The following UBE2E2 variants were observed in gnomAD, a reference collection of about 807,000 sequenced individuals.
The protein encoded by UBE2E2 is ubiquitin conjugating enzyme E2 E2.
Under a neutral mutation model 24.7 loss-of-function variants are expected in UBE2E2, and 6 were observed. The observed-to-expected ratio is 0.24, with a 90% CI of 0.13 to 0.48. The LOEUF (loss-of-function observed/expected upper bound fraction) is 0.48, where lower values mean the gene tolerates loss of function less well. Among genes scored for constraint, UBE2E2 ranks in the 20% least tolerant of loss-of-function variants. The probability of loss-of-function intolerance (pLI) is 0.99; values close to 1 mark genes in which losing one functional copy is unlikely to be tolerated. For synonymous variants in UBE2E2, 104 were observed against 83.6 expected (o/e 1.24, Z -1.33); for missense variants, 169 against 245.0 (o/e 0.69, Z 2.07).
intron 5 of UBE2E2, among the ~76,000 whole-genome samples, chr3:23,561,705 C>T (rs933532813): frequency 4.6e-5 from 7 of 152,062 alleles, no homozygotes; most frequent in African/African-American, 1.7e-4. Flanking sequence ...TACCCATGAG[C>T]ATGGAATGTT....
At chr3:23,532,386 C>T (rs994357292) in intron 4 of UBE2E2, among the ~76,000 whole-genome samples, 168 bp from the exon 5 acceptor site, 6 of 152,074 alleles carry the variant, frequency 3.9e-5, no homozygotes, top group Non-Finnish European at 5.9e-5. Flanking sequence ...AAATGATGAT[C>T]TCTGTTGATT....
chr3:23,516,651 A>G (rs1385724796), intron 4 of UBE2E2, among the ~76,000 whole-genome samples: 1 of 152,148 alleles, frequency 6.6e-6, no homozygotes, highest in East Asian at 1.9e-4. Flanking sequence ...GGATGAAAAA[A>G]TTTATTCTTG....
intron 3 of UBE2E2, among the ~76,000 whole-genome samples, chr3:23,311,090 G>T (rs976281808): frequency 6.6e-6 from 1 of 152,160 alleles, no homozygotes; most frequent in African/African-American, 2.4e-5. Context: ...TCCCACCTAT[G>T]AATGAGAACA....
intron 3 of UBE2E2, among the ~76,000 whole-genome samples, chr3:23,253,658 C>G (rs1202067528): frequency 6.6e-6 from 1 of 152,010 alleles, no homozygotes; most frequent in Non-Finnish European, 1.5e-5. Context: ...TGGACTGTTA[C>G]CTGTAACAAT....
At chr3:23,390,551 G>A (rs1020361683) in intron 3 of UBE2E2, among the ~76,000 whole-genome samples, 14 of 152,084 alleles carry the variant, frequency 9.2e-5, no homozygotes, top group African/African-American at 2.4e-4. Flanking sequence ...TGCTGAACAC[G>A]AACCCAGGTA....
intron 3 of UBE2E2, among the ~76,000 whole-genome samples, chr3:23,302,732 G>T (rs1455242441): frequency 6.6e-6 from 1 of 152,202 alleles, no homozygotes; most frequent in Non-Finnish European, 1.5e-5. Flanking sequence ...TATACAGCTT[G>T]CCTGAGGTAG....
intron 2 of UBE2E2, among the ~76,000 whole-genome samples, chr3:23,213,560 A>G (rs548332062): frequency 3.3e-5 from 5 of 152,160 alleles, no homozygotes; most frequent in Non-Finnish European, 7.4e-5. Context: ...AACAATGGGC[A>G]GTTGCTGACT....
chr3:23,274,479 C>T (rs1698330183), intron 3 of UBE2E2, among the ~76,000 whole-genome samples: 1 of 151,972 alleles, frequency 6.6e-6, no homozygotes, highest in African/African-American at 2.4e-5. Context: ...TCTCCGTCTC[C>T]CAAGTACCTG....
chr3:23,545,836 A>G (rs1446567861), intron 5 of UBE2E2, among the ~76,000 whole-genome samples: 1 of 152,240 alleles, frequency 6.6e-6, no homozygotes, highest in Non-Finnish European at 1.5e-5. Flanking sequence ...TCAGCCATAA[A>G]AAAGAAGGAA....
chr3:23,472,912 C>G (rs993333920), intron 3 of UBE2E2, among the ~76,000 whole-genome samples: 3 of 152,062 alleles, frequency 2.0e-5, no homozygotes, highest in Non-Finnish European at 2.9e-5. Flanking sequence ...CTTGGCCTCC[C>G]AGACTGCTGG....
At position 23,332,674 on chromosome 3, in the gene UBE2E2, GGTGTGTGTGTGTGTGT is replaced by G. The variant is rs3086989; in HGVS notation, c.227+115392_227+115407del. ...CTTTGAGCTTCCTGGCAGCCAGTGGGGTGTGTGTGTGTGTGTGTGTGTGTGTGTGTGTGTGTGTGTG... is the reference window on the plus strand; with the variant it reads ...CTTTGAGCTTCCTGGCAGCCAGTGGGGTGTGTGTGTGTGTGTGTGTGTGTG... On this transcript the variant is annotated intron_variant, in intron 3 of 5. Coordinates refer to ENST00000396703, the MANE Select transcript of UBE2E2 (RefSeq NM_152653.4). 1.1e-3 allele frequency among the ~76,000 whole-genome samples: 120 copies of G among 108,128 alleles called. No homozygotes were observed. In the East Asian group the frequency reaches 0.021, roughly 19 times the overall value. 70.9% of individuals were successfully genotyped at this position (108,128 alleles called of 152,430 possible).
intron 5 of UBE2E2, among the ~76,000 whole-genome samples, chr3:23,559,771 A>G (rs181999851): frequency 6.6e-5 from 10 of 152,330 alleles, no homozygotes; most frequent in African/African-American, 2.2e-4. Context: ...ATAACTGCTC[A>G]AGTTAAATGC....
chr3:23,212,359 A>G (rs571659249), intron 2 of UBE2E2, among the ~76,000 whole-genome samples: 1 of 152,088 alleles, frequency 6.6e-6, no homozygotes, highest in Non-Finnish European at 1.5e-5. Context: ...CTCTTGTTAT[A>G]TTTGCAAGTC....
intron 4 of UBE2E2, among the ~76,000 whole-genome samples, chr3:23,516,509 A>G (rs10510538): frequency 0.13 from 19,796 of 152,234 alleles, 1,372 homozygotes; most frequent in Middle Eastern, 0.2. Context: ...CACTAGGCTC[A>G]GTATAAAGTA....
rs141941400 is a variant in UBE2E2, at chr3:23,402,539, C to G, written c.228-97069C>G. Among the ~76,000 whole-genome samples, 267 of 152,250 alleles carry G rather than the reference C, an allele frequency of 1.8e-3. 3 individuals carry two copies. The highest frequency in any genetic ancestry group is 6.1e-3 in the African/African-American group (253 of 41,550). ...CTTTAATTCAGCTGATATTTAGTTG[C>G]TAGCCCACATGTCCTGAAGATTTTC... On this transcript the variant is annotated intron_variant, in intron 3 of 5. Transcript: ENST00000396703.
intron 4 of UBE2E2, among the ~76,000 whole-genome samples, chr3:23,528,437 C>T (rs1447404097): frequency 2.0e-5 from 3 of 152,144 alleles, no homozygotes; most frequent in Non-Finnish European, 2.9e-5. Flanking sequence ...TGAGGCAGGG[C>T]GAGCTGCTGA....
intron 3 of UBE2E2, among the ~76,000 whole-genome samples, chr3:23,301,665 G>C (rs1271011405): frequency 6.6e-6 from 1 of 152,158 alleles, no homozygotes; most frequent in Non-Finnish European, 1.5e-5. Context: ...AGGAGTACCC[G>C]GCCGTGTGAG....
intron 3 of UBE2E2, among the ~76,000 whole-genome samples, chr3:23,267,533 T>C (rs1698084354): frequency 6.6e-6 from 1 of 151,686 alleles, no homozygotes; most frequent in African/African-American, 2.4e-5. Context: ...AATAGACCAA[T>C]AACAGACTCT....
At chr3:23,343,084 C>T (rs1479968753) in intron 3 of UBE2E2, among the ~76,000 whole-genome samples, 1 of 133,910 alleles carries the variant, frequency 7.5e-6, no homozygotes, top group African/African-American at 2.8e-5. Context: ...TATGTTAAAA[C>T]CTTACATATT....
Sources: allele counts gnomAD v4.1 joint callset (sites outside exome capture counted in the v4.1 genomes callset), GRCh38; gene constraint gnomAD v4.1.1; transcripts MANE v1.5; gene names NCBI Gene and HGNC (gene_info 2026-07-23, HGNC 2026-07-21).